NRG3: variants seen among roughly 807,000 people sequenced by gnomAD.
NRG3 encodes pro-neuregulin-3, membrane-bound isoform.
NRG3 carries 31 observed loss-of-function variants against 66.9 expected under a neutral mutation model. That is an observed-to-expected ratio of 0.46 (90% CI 0.35 to 0.63). The LOEUF is 0.63. NRG3 is among the 20% of genes least tolerant of loss of function. The pLI is 0.00. For missense variants in NRG3, 910 were observed against 878.9 expected (o/e 1.04, Z -0.45); for synonymous variants, 393 against 359.4 (o/e 1.09, Z -1.06).
intron 2 of NRG3, among the ~76,000 whole-genome samples, chr10:82,579,322 C>T (rs2046218990): frequency 6.6e-6 from 1 of 151,684 alleles, no homozygotes; most frequent in Admixed American, 6.6e-5. Flanking sequence ...AGGTAAAATG[C>T]ATAGGGCAAT....
intron 2 of NRG3, among the ~76,000 whole-genome samples, chr10:82,428,562 T>A (rs543632486): frequency 6.6e-6 from 1 of 152,176 alleles, no homozygotes; most frequent in African/African-American, 2.4e-5. Context: ...CATTTCATTG[T>A]GTTCAGAAAA....
intron 1 of NRG3, among the ~76,000 whole-genome samples, chr10:81,887,688 T>A (rs534769618): frequency 1.3e-5 from 2 of 152,138 alleles, no homozygotes; most frequent in Non-Finnish European, 2.9e-5. Context: ...CCCATAAGTT[T>A]GGTGATGAGT....
intron 2 of NRG3, among the ~76,000 whole-genome samples, chr10:82,601,345 GAT>G (rs2047617122): frequency 6.6e-6 from 1 of 152,180 alleles, no homozygotes; most frequent in Admixed American, 6.5e-5. Context: ...AATCACTACT[GAT>G]ATTTGTAATG....
intron 2 of NRG3, among the ~76,000 whole-genome samples, chr10:82,659,598 C>G (rs2052158240): frequency 6.6e-6 from 1 of 151,996 alleles, no homozygotes; most frequent in African/African-American, 2.4e-5. Context: ...GAGCCAAGAT[C>G]GTGCCACTGC....
chr10:82,557,954 A>C (rs2044759693), intron 2 of NRG3, among the ~76,000 whole-genome samples: 1 of 152,164 alleles, frequency 6.6e-6, no homozygotes, highest in African/African-American at 2.4e-5. Context: ...AACACTCGCT[A>C]CATTACAAGG....
chr10:81,942,843 A>G lies in NRG3; in HGVS notation c.823+66680A>G, dbSNP rs1235647980. Among the ~76,000 whole-genome samples the G allele has an allele frequency of 2.6e-5, 4 of 152,246 alleles. No homozygotes were observed. The East Asian group carries it at 7.7e-4, about 29-fold the overall frequency. ...TGAATTCAGCTATGATATAATTATC[A>G]AAATATAAATGTACAAGTGATTCTT... On this transcript the variant is annotated intron_variant, in intron 1 of 8. Transcript: ENST00000372141.
At chr10:81,883,441 C>G (rs1451024817) in intron 1 of NRG3, among the ~76,000 whole-genome samples, 2 of 152,090 alleles carry the variant, frequency 1.3e-5, no homozygotes, top group Non-Finnish European at 2.9e-5. Flanking sequence ...CAGTCAGAAG[C>G]AAACCTACAA....
intron 2 of NRG3, among the ~76,000 whole-genome samples, chr10:82,660,780 T>G (rs1475870027): frequency 6.6e-6 from 1 of 152,234 alleles, no homozygotes; most frequent in Non-Finnish European, 1.5e-5. Context: ...TAATATATTT[T>G]GCTTACGGTT....
At chr10:82,976,407 A>G (rs1414406759) in intron 7 of NRG3, among the ~76,000 whole-genome samples, 1 of 152,092 alleles carries the variant, frequency 6.6e-6, no homozygotes, top group Non-Finnish European at 1.5e-5. Flanking sequence ...AAATAATTCC[A>G]GGGTTTTCAG....
intron 1 of NRG3, among the ~76,000 whole-genome samples, chr10:82,002,475 A>G (rs1373223418): frequency 6.6e-6 from 1 of 152,194 alleles, no homozygotes; most frequent in Non-Finnish European, 1.5e-5. Flanking sequence ...TAAAAACAGA[A>G]GACTTGTAAT....
chr10:82,921,140 T>C (rs1441556684), intron 4 of NRG3, among the ~76,000 whole-genome samples: 2 of 152,112 alleles, frequency 1.3e-5, no homozygotes, highest in African/African-American at 4.8e-5. Flanking sequence ...TCAACAGTGA[T>C]AAGTCATATT....
At chr10:82,684,984 T>A (rs1332281896) in intron 2 of NRG3, among the ~76,000 whole-genome samples, 2 of 152,120 alleles carry the variant, frequency 1.3e-5, no homozygotes, top group South Asian at 2.1e-4. Context: ...AAAATCTTGA[T>A]AGCAATGGGT....
chr10:82,033,026 C>T (rs993523748), intron 1 of NRG3, among the ~76,000 whole-genome samples: 7 of 151,906 alleles, frequency 4.6e-5, no homozygotes, highest in Non-Finnish European at 1.0e-4. Flanking sequence ...AATGTAGGAA[C>T]CAATAAGATG....
At chr10:82,271,498 A>G (rs1474930179) in intron 1 of NRG3, among the ~76,000 whole-genome samples, 1 of 152,140 alleles carries the variant, frequency 6.6e-6, no homozygotes, top group Non-Finnish European at 1.5e-5. Context: ...AATCAAGAAA[A>G]TCCCCTTAAA....
chr10:82,944,551 T>C (rs1206564871), intron 4 of NRG3, among the ~76,000 whole-genome samples: 1 of 152,210 alleles, frequency 6.6e-6, no homozygotes, highest in Non-Finnish European at 1.5e-5. Flanking sequence ...TTTTTTAAGA[T>C]GATGATATGC....
rs191802146 is a variant in NRG3 at position 81,994,557 on chromosome 10, A to G, written c.823+118394A>G. ...TTTAACTGCTTTTTTTTTTCCTTGC[A>G]TAAAGGATAGATAGCATGTCGAATA... On this transcript the variant is annotated intron_variant, in intron 1 of 8. Coordinates refer to ENST00000372141, the MANE Select transcript of NRG3 (RefSeq NM_001010848.4). Among the ~76,000 whole-genome samples, 57 of 150,902 alleles carry G rather than the reference A, an allele frequency of 3.8e-4. 2 individuals carry two copies. Among genetic ancestry groups the G allele is most frequent in the Admixed American group, 3.6e-3 (54 of 15,134 alleles).
rs1033186176 is a variant in NRG3, at chr10:82,358,838, A to G, written c.923A>G (p.Glu308Gly). The change falls in exon 2 of 9, where the codon GAA becomes GGA. Residue 308 changes from glutamate to glycine, a missense_variant. By Grantham distance (98) the Glu-to-Gly change is moderately conservative. Transcript: ENST00000372141. ...AATGATGGCGAGTGCTTTGTGATCG[A>G]AACCCTGACCGGATCCCATAAACAC... is the stretch of plus-strand genomic sequence containing the variant. The part of the protein sequence containing the change: ...CLNDGECFVI[E>G]TLTGSHKHCR... The G allele has an allele frequency of 1.9e-6, 3 of 1,614,190 alleles. No individual in the cohort carries two copies. Among genetic ancestry groups the G allele is most frequent in the African/African-American group, 2.7e-5 (2 of 75,056 alleles).
chr10:82,563,246 T>C (rs1029102974), intron 2 of NRG3, among the ~76,000 whole-genome samples: 5 of 152,108 alleles, frequency 3.3e-5, no homozygotes, highest in African/African-American at 1.2e-4. Context: ...TCATTTTACA[T>C]TTTTTTCACA....
At chr10:82,246,168 A>G (rs1000399331) in intron 1 of NRG3, among the ~76,000 whole-genome samples, 1 of 151,998 alleles carries the variant, frequency 6.6e-6, no homozygotes, top group Non-Finnish European at 1.5e-5. Context: ...GTCTACACTT[A>G]TATGTAAAAG....
Sources: gnomAD v4.1 joint callset for allele counts (sites outside exome capture counted in the v4.1 genomes callset) on GRCh38, gnomAD v4.1.1 for gene constraint, MANE v1.5 for transcripts, NCBI Gene and HGNC (gene_info 2026-07-23, HGNC 2026-07-21) for gene names.